The following ANK2 variants were observed in gnomAD, a reference collection of about 807,000 sequenced individuals.
The protein encoded by ANK2 is ankyrin-2.
In ANK2, 83 loss-of-function variants were observed where a neutral mutation model predicts 360.5. That is an observed-to-expected ratio of 0.23 (90% CI 0.19 to 0.28). The LOEUF (loss-of-function observed/expected upper bound fraction) is 0.28, where lower values mean the gene tolerates loss of function less well. Among genes scored for constraint, ANK2 ranks in the 10% least tolerant of loss-of-function variants. The pLI is 1.00. For synonymous variants in ANK2, 1,740 were observed against 1,759.5 expected (o/e 0.99, Z 0.28); for missense variants, 4,201 against 4,795.7 (o/e 0.88, Z 3.66).
chr4:113,288,839 T>C (rs1328408255), intron 20 of ANK2, among the ~76,000 whole-genome samples: 1 of 151,884 alleles, frequency 6.6e-6, no homozygotes, highest in Non-Finnish European at 1.5e-5. Flanking sequence ...CCTTCTCCTC[T>C]CATGAAGAAA....
intron 2 of ANK2, among the ~76,000 whole-genome samples, chr4:112,962,373 T>C (rs188160459): frequency 6.6e-6 from 1 of 152,268 alleles, no homozygotes; most frequent in East Asian, 1.9e-4. Flanking sequence ...AGGGACATGA[T>C]GTTATTCTTT....
intron 2 of ANK2, among the ~76,000 whole-genome samples, chr4:112,910,890 T>A (rs1318827554): frequency 5.9e-5 from 9 of 152,108 alleles, no homozygotes; most frequent in African/African-American, 2.2e-4. Flanking sequence ...CCCAAAATAA[T>A]TTATCATAAT....
chr4:113,069,066 AAGAAAAGAAG>A lies in ANK2; in HGVS notation c.84+19264_84+19273del, dbSNP rs554261505. 1.9e-3 allele frequency among the ~76,000 whole-genome samples: 294 copies of A among 152,222 alleles called. 2 individuals are homozygous for A. Among genetic ancestry groups the A allele is most frequent in the Non-Finnish European group, 3.5e-3 (237 of 68,014 alleles). ...GCGAGACCCTGTCTAATGAAAAGAA[AAGAAAAGAAG>A]AGAAAAGAAAAGAAAAGAGAGGAGA... is the stretch of plus-strand genomic sequence containing the variant. On this transcript the variant is annotated intron_variant, in intron 1 of 45. Coordinates refer to ENST00000357077, the MANE Select transcript of ANK2 (RefSeq NM_001148.6).
At chr4:112,810,117 T>A in the ANK2 span, among the ~76,000 whole-genome samples, 1 of 87,284 alleles carries the variant, frequency 1.1e-5, no homozygotes, top group Non-Finnish European at 2.1e-5. Context: ...GATATTTTAA[T>A]TTTTTGTGTA....
chr4:113,011,827 G>T (rs1196531863), intron 2 of ANK2, among the ~76,000 whole-genome samples: 2 of 151,974 alleles, frequency 1.3e-5, no homozygotes, highest in Non-Finnish European at 2.9e-5. Context: ...TTTTGGGGTG[G>T]CATAGTCTGC....
At chr4:113,311,159 G>C (rs2079761351) in intron 23 of ANK2, 96 bp from the exon 24 acceptor site, 3 of 1,504,110 alleles carry the variant, frequency 2.0e-6, no homozygotes, top group African/African-American at 2.8e-5. Context: ...TCAAGGTCAA[G>C]GTAATGATGT....
At chr4:113,042,116 G>T (rs532872535) in intron 2 of ANK2, among the ~76,000 whole-genome samples, 3 of 152,296 alleles carry the variant, frequency 2.0e-5, no homozygotes, top group African/African-American at 7.2e-5. Flanking sequence ...ACCGATGTGG[G>T]CTAGCACCAT....
upstream of ANK2, among the ~76,000 whole-genome samples, chr4:113,047,902 A>G (rs7657219): frequency 0.64 from 96,876 of 151,556 alleles, 31,304 homozygotes; most frequent in Admixed American, 0.68. Flanking sequence ...CAATGGGGAA[A>G]TAGGTGAATT....
intron 2 of ANK2, among the ~76,000 whole-genome samples, chr4:113,192,222 AGTGATTTTT>A (rs2098677531): frequency 6.6e-6 from 1 of 152,136 alleles, no homozygotes; most frequent in South Asian, 2.1e-4. Context: ...CCTCCCTTAA[AGTGATTTTT>A]GTGAGTGCCA....
Position 113,365,092 on chromosome 4 carries a change from C to T in ANK2, c.10942C>T (p.Leu3648Phe). Residue 3648 changes from leucine (L) to phenylalanine (F), a missense_variant, in exon 41 of 46, where the codon CTC becomes TTC. Physicochemically the swap from Leu to Phe is conservative, Grantham distance 22 (BLOSUM62 0). Coordinates refer to ENST00000357077, the MANE Select transcript of ANK2 (RefSeq NM_001148.6). ...TKINRMDIVH[L>F]METNTEPLQE... is the part of the protein sequence containing the mutation. ...GATCAACCGAATGGATATTGTTCAT[C>T]TCATGGAGACCAACACAGAACCTCT... 1 of 1,613,942 alleles carries T rather than the reference C, an allele frequency of 6.2e-7. No homozygotes were observed. The highest frequency in any genetic ancestry group is 8.5e-7 in the Non-Finnish European group (1 of 1,179,938).
Position 113,369,798 on chromosome 4 carries a change from T to C in ANK2, c.11603T>C (p.Phe3868Ser), listed in dbSNP as rs771982856. 6.8e-6 allele frequency: 11 copies of C among 1,614,100 alleles called. No individual in the cohort carries two copies. Among genetic ancestry groups the C allele is most frequent in the Non-Finnish European group, 9.3e-6 (11 of 1,180,000 alleles). ...TCERLDEDAA[F>S]EKGDDMPEIP... Reference sequence around the variant, plus strand: ...GAAAGACTCGATGAAGATGCAGCTTTTGAAAAGGTAAGACATTCCTCTCCA... The same window carrying C: ...GAAAGACTCGATGAAGATGCAGCTTCTGAAAAGGTAAGACATTCCTCTCCA... Residue 3868 changes from phenylalanine (F) to serine (S), a missense_variant, in exon 43 of 46, where the codon TTT becomes TCT. Phe to Ser is a radical substitution (Grantham distance 155). Around this residue, in one of 4 missense-constraint regions of ANK2, gnomAD observed 2,642 missense variants for 2,714.5 expected, o/e 0.97. Coordinates refer to ENST00000357077, the MANE Select transcript of ANK2 (RefSeq NM_001148.6).
At chr4:113,243,139 T>C (rs577560418) in intron 9 of ANK2, among the ~76,000 whole-genome samples, 2 of 152,324 alleles carry the variant, frequency 1.3e-5, no homozygotes, top group South Asian at 4.1e-4. Context: ...TAGATTTGGT[T>C]AATCATAGAC....
chr4:113,379,988 G>T (rs552739846), intron 45 of ANK2, among the ~76,000 whole-genome samples: 102 of 152,146 alleles, frequency 6.7e-4, no homozygotes, highest in Non-Finnish European at 1.2e-3. Context: ...ATAGTGTATG[G>T]TTATGGACTC....
chr4:113,092,783 A>G (rs958897293), intron 1 of ANK2, among the ~76,000 whole-genome samples: 31 of 152,182 alleles, frequency 2.0e-4, no homozygotes, highest in African/African-American at 7.2e-4. Flanking sequence ...CACATATAGT[A>G]TGTGATTAAT....
At chr4:113,360,456 C>T (rs181927338) in intron 38 of ANK2, among the ~76,000 whole-genome samples, 73 of 152,090 alleles carry the variant, frequency 4.8e-4, no homozygotes, top group Admixed American at 2.3e-3. Flanking sequence ...GCCAATTGCT[C>T]TACTTCTGCA....
chr4:113,360,069 C>T, intron 38 of ANK2, among the ~76,000 whole-genome samples: 1 of 152,134 alleles, frequency 6.6e-6, no homozygotes, highest in Non-Finnish European at 1.5e-5. Flanking sequence ...ACAATGAAGA[C>T]TGTCATTCTT....
Position 113,199,023 on chromosome 4 carries a change from G to A in ANK2, c.298G>A (p.Ala100Thr), listed in dbSNP as rs1325750471. 3.1e-6 allele frequency: 5 copies of A among 1,612,702 alleles called. No homozygotes were observed. The highest frequency in any genetic ancestry group is 2.2e-5 in the South Asian group (2 of 91,052). Residue 100 changes from alanine (A) to threonine (T), a missense_variant, in exon 4 of 46, where the codon GCT (alanine) becomes ACT (threonine). By Grantham distance (58) the Ala-to-Thr change is moderately conservative (BLOSUM62 0). Coordinates refer to ENST00000357077, the MANE Select transcript of ANK2 (RefSeq NM_001148.6). ...TTCTCCAAAACAGAAGGGAAATACC[G>A]CTCTTCACATTGCATCTTTGGCTGG... is the stretch of plus-strand genomic sequence containing the variant. ...VDSATKKGNT[A>T]LHIASLAGQA...
At chr4:113,286,725 C>A (rs187623041) in intron 18 of ANK2, among the ~76,000 whole-genome samples, 159 of 152,132 alleles carry the variant, frequency 1.0e-3, no homozygotes, top group Non-Finnish European at 2.1e-3. Flanking sequence ...GGCATTTGAA[C>A]AATAGTGAGG....
At chr4:113,317,282 C>T (rs1012683312) in intron 24 of ANK2, among the ~76,000 whole-genome samples, 1 of 152,152 alleles carries the variant, frequency 6.6e-6, no homozygotes, top group African/African-American at 2.4e-5. Flanking sequence ...TTTTGTTCTT[C>T]TCTCTGAGGG....
Sources: allele counts gnomAD v4.1 joint callset (sites outside exome capture counted in the v4.1 genomes callset), GRCh38; gene constraint gnomAD v4.1.1; regional missense constraint gnomAD v4.1.1; transcripts MANE v1.5; gene names NCBI Gene and HGNC (gene_info 2026-07-23, HGNC 2026-07-21).